KCTD16: variants seen among roughly 807,000 people sequenced by gnomAD.
The protein encoded by KCTD16 is potassium channel tetramerization domain containing 16.
A neutral mutation model predicts 33.2 loss-of-function variants in KCTD16; 13 were observed. The observed-to-expected ratio is 0.39, with a 90% CI of 0.25 to 0.62. KCTD16 has a LOEUF of 0.62. Ranked by LOEUF, KCTD16 falls within the 20% of genes least tolerant of loss-of-function variation. The pLI is 0.50. For synonymous variants in KCTD16, 197 were observed against 195.3 expected (o/e 1.01, Z -0.07); for missense variants, 441 against 525.1 (o/e 0.84, Z 1.57).
chr5:144,213,746 A>G (rs1753474611), intron 3 of KCTD16, among the ~76,000 whole-genome samples: 1 of 152,180 alleles, frequency 6.6e-6, no homozygotes, highest in African/African-American at 2.4e-5. Flanking sequence ...GCTTTTACAT[A>G]TTTATCATCT....
intron 3 of KCTD16, among the ~76,000 whole-genome samples, chr5:144,347,626 A>G (rs1018062128): frequency 2.6e-5 from 4 of 152,146 alleles, no homozygotes; most frequent in African/African-American, 7.2e-5. Context: ...GACAGCCTCT[A>G]CATGAGAAGA....
At position 144,403,395 on chromosome 5, in the gene KCTD16, G is replaced by A. The variant is rs954501822; in HGVS notation, c.833-70265G>A. On this transcript the variant is annotated intron_variant, in intron 3 of 3. Coordinates refer to ENST00000512467, the MANE Select transcript of KCTD16 (RefSeq NM_020768.4). ...AAATTTGGACACAGACACACAGAGA[G>A]AGTAATGCCCTGTGAAGACACATAG... Among the ~76,000 whole-genome samples the A allele has an allele frequency of 5.9e-5, 9 of 152,318 alleles. No homozygotes were observed. The South Asian group carries it at 1.9e-3, about 32-fold the overall frequency.
At chr5:144,328,605 G>A (rs899611091) in intron 3 of KCTD16, among the ~76,000 whole-genome samples, 1 of 151,430 alleles carries the variant, frequency 6.6e-6, no homozygotes, top group Admixed American at 6.6e-5. Context: ...TTTTTCATGT[G>A]CATTACATCA....
rs755131238 is a variant in KCTD16 at position 144,206,816 on chromosome 5, A to G, written c.102A>G (p.Gln34=). Residue 34 remains glutamine (Q), a synonymous_variant, in exon 3 of 4, where the codon CAA becomes CAG. Transcript: ENST00000512467. The stretch of plus-strand genomic sequence containing the variant: ...TGGTAGAGCTGAATGTCGGGGGTCA[A>G]GTTTATTTTACTCGCCATTCCACAT... ...PEVVELNVGG[Q]VYFTRHSTLI... is the part of the protein sequence containing the mutation. 29 of 1,614,012 alleles carry G rather than the reference A, an allele frequency of 1.8e-5. No homozygotes were observed. Among genetic ancestry groups the G allele is most frequent in the Non-Finnish European group, 2.3e-5 (27 of 1,180,016 alleles).
At chr5:144,388,142 G>C (rs1752370644) in intron 3 of KCTD16, among the ~76,000 whole-genome samples, 1 of 144,842 alleles carries the variant, frequency 6.9e-6, no homozygotes, top group African/African-American at 2.6e-5. Flanking sequence ...TGCAGTGGCG[G>C]GATATCGGCT....
chr5:144,359,277 T>G (rs1751648442), intron 3 of KCTD16, among the ~76,000 whole-genome samples: 1 of 152,172 alleles, frequency 6.6e-6, no homozygotes, highest in Non-Finnish European at 1.5e-5. Flanking sequence ...CAGAATGTTT[T>G]CTGTAGAATC....
At chr5:144,450,661 C>T (rs776730853) in intron 3 of KCTD16, among the ~76,000 whole-genome samples, 1 of 151,892 alleles carries the variant, frequency 6.6e-6, no homozygotes, top group Non-Finnish European at 1.5e-5. Context: ...TAGATGAACC[C>T]GGAATACATT....
intron 3 of KCTD16, among the ~76,000 whole-genome samples, chr5:144,256,587 C>T (rs1754853958): frequency 6.6e-6 from 1 of 151,226 alleles, no homozygotes; most frequent in African/African-American, 2.4e-5. Flanking sequence ...GTAGCTGATA[C>T]CTCCAGAAAG....
intron 3 of KCTD16, among the ~76,000 whole-genome samples, chr5:144,299,465 G>C (rs1751360485): frequency 6.6e-6 from 1 of 151,738 alleles, no homozygotes; most frequent in African/African-American, 2.4e-5. Context: ...ATCTAATACT[G>C]TCTGCTTGAA....
rs1754691201 is a variant in KCTD16 at position 144,480,842 on chromosome 5, A to C, written c.*6728A>C. ...AAACTCTAAATTAAGCATGAGTTTA[A>C]ATTTGTCAAGGCATTTTTTTTTCTG... On this transcript the variant is annotated 3_prime_UTR_variant, in exon 4 of 4. Coordinates refer to ENST00000512467, the MANE Select transcript of KCTD16 (RefSeq NM_020768.4). 6.6e-6 allele frequency: 1 copy of C among 152,082 alleles called. No individual in the cohort carries two copies. Among genetic ancestry groups the C allele is most frequent in the Non-Finnish European group, 1.5e-5 (1 of 67,930 alleles). 9.4% of individuals were successfully genotyped at this position (152,082 alleles called of 1,614,324 possible). A position where few individuals can be genotyped will look rare whatever the true frequency, so the allele number is the denominator to read the frequency against.
At position 144,361,012 on chromosome 5, in the gene KCTD16, T is replaced by C. The variant is rs201105078; in HGVS notation, c.833-112648T>C. On this transcript the variant is annotated intron_variant, in intron 3 of 3. Coordinates refer to ENST00000512467, the MANE Select transcript of KCTD16 (RefSeq NM_020768.4). Reference sequence around the variant, plus strand: ...CTGGTGTGCTGCACCCACTAACTCGTCATCTAGCATTAGGTATATCTCCCA... The same window carrying C: ...CTGGTGTGCTGCACCCACTAACTCGCCATCTAGCATTAGGTATATCTCCCA... 3.9e-4 allele frequency among the ~76,000 whole-genome samples: 59 copies of C among 151,224 alleles called. No individual in the cohort carries two copies. In the East Asian group the frequency reaches 0.011, roughly 27 times the overall value.
chr5:144,229,695 C>G (rs1315174777), intron 3 of KCTD16, among the ~76,000 whole-genome samples: 1 of 152,168 alleles, frequency 6.6e-6, no homozygotes, highest in Non-Finnish European at 1.5e-5. Context: ...CATCATCTCT[C>G]TTACCCACTG....
intron 3 of KCTD16, among the ~76,000 whole-genome samples, chr5:144,419,950 C>T (rs146351081): frequency 2.1e-3 from 319 of 152,156 alleles, no homozygotes; most frequent in Middle Eastern, 0.014. Context: ...TAAGAAGTAA[C>T]CTAGGAAGAA....
At position 144,339,858 on chromosome 5, in the gene KCTD16, T is replaced by A. The variant is rs1302198428; in HGVS notation, c.832+132312T>A. Among the ~76,000 whole-genome samples the A allele has an allele frequency of 5.9e-5, 9 of 152,212 alleles. 1 individual carries two copies. In the South Asian group the frequency reaches 1.9e-3, roughly 32 times the overall value. On this transcript the variant is annotated intron_variant, in intron 3 of 3. Coordinates refer to ENST00000512467, the MANE Select transcript of KCTD16 (RefSeq NM_020768.4). ...ACATTTAATTAAAACACATTTGTGA[T>A]CCAGGACCAGGCTGCAATGGACATA...
At chr5:144,471,055 C>A (rs1275488448) in intron 3 of KCTD16, among the ~76,000 whole-genome samples, 1 of 152,134 alleles carries the variant, frequency 6.6e-6, no homozygotes, top group Non-Finnish European at 1.5e-5. Context: ...TGGCAGGTAT[C>A]TGTAGTCCCT....
At chr5:144,203,922 A>G (rs1253818064) in intron 2 of KCTD16, among the ~76,000 whole-genome samples, 1 of 152,228 alleles carries the variant, frequency 6.6e-6, no homozygotes, top group Non-Finnish European at 1.5e-5. Flanking sequence ...CTGATAGCTT[A>G]GGGCACTAGA....
intron 3 of KCTD16, among the ~76,000 whole-genome samples, chr5:144,372,137 A>C (rs1400045305): frequency 6.6e-6 from 1 of 151,804 alleles, no homozygotes; most frequent in African/African-American, 2.4e-5. Context: ...CTGGAGTTAG[A>C]CTGTTTCAGT....
At position 144,480,696 on chromosome 5, in the gene KCTD16, G is replaced by A. The variant is rs1391709243; in HGVS notation, c.*6582G>A. 6.6e-6 allele frequency: 1 copy of A among 151,766 alleles called. No homozygotes were observed. Among genetic ancestry groups the A allele is most frequent in the Non-Finnish European group, 1.5e-5 (1 of 67,908 alleles). 9.4% of individuals were successfully genotyped at this position (151,766 alleles called of 1,614,324 possible). ...ATATTTTTTGTTTCATGATTTGAGG[G>A]GTGCTACTGACAATTAATGGGTATA... On this transcript the variant is annotated 3_prime_UTR_variant, in exon 4 of 4. Transcript: ENST00000512467.
intron 3 of KCTD16, among the ~76,000 whole-genome samples, chr5:144,211,561 A>G (rs1198040497): frequency 6.6e-6 from 1 of 152,218 alleles, no homozygotes; most frequent in Non-Finnish European, 1.5e-5. Flanking sequence ...GTGCATATAA[A>G]ACATAAATGA....
Sources: allele counts gnomAD v4.1 joint callset (sites outside exome capture counted in the v4.1 genomes callset), GRCh38; gene constraint gnomAD v4.1.1; transcripts MANE v1.5; gene names NCBI Gene and HGNC (gene_info 2026-07-23, HGNC 2026-07-21).